NKAIN2: variants seen among roughly 807,000 people sequenced by gnomAD.
The protein encoded by NKAIN2 is sodium/potassium-transporting ATPase subunit beta-1-interacting protein 2.
Under a neutral mutation model 32.6 loss-of-function variants are expected in NKAIN2, and 14 were observed. The ratio of observed to expected loss-of-function variants is 0.43; its 90% CI spans 0.28 to 0.67. The LOEUF (loss-of-function observed/expected upper bound fraction) is 0.67. Ranked by LOEUF, NKAIN2 falls within the 30% of genes least tolerant of loss-of-function variation. The pLI, the probability that NKAIN2 is intolerant of heterozygous loss-of-function variation, is 0.17. For missense variants in NKAIN2, 198 were observed against 258.3 expected (o/e 0.77, Z 1.60); for synonymous variants, 80 against 87.2 (o/e 0.92, Z 0.46).
chr6:124,443,732 G>A (rs927359784), intron 3 of NKAIN2, among the ~76,000 whole-genome samples: 6 of 152,162 alleles, frequency 3.9e-5, no homozygotes, highest in East Asian at 1.9e-4. Flanking sequence ...ATCAGGAAAC[G>A]TGTCATAAAT....
intron 1 of NKAIN2, among the ~76,000 whole-genome samples, chr6:124,199,325 T>G (rs1030641663): frequency 6.6e-6 from 1 of 152,214 alleles, no homozygotes; most frequent in African/African-American, 2.4e-5. Flanking sequence ...TAAAGAATCA[T>G]GAAAGGTGAA....
At chr6:123,969,120 C>T (rs1778220135) in intron 1 of NKAIN2, among the ~76,000 whole-genome samples, 1 of 152,094 alleles carries the variant, frequency 6.6e-6, no homozygotes, top group African/African-American at 2.4e-5. Flanking sequence ...TCAGTATCTC[C>T]TGAGAAAAAA....
intron 3 of NKAIN2, among the ~76,000 whole-genome samples, chr6:124,448,052 G>A (rs745826948): frequency 1.3e-5 from 2 of 152,010 alleles, no homozygotes; most frequent in Non-Finnish European, 2.9e-5. Context: ...GCATACATTG[G>A]ACTTAACATA....
intron 2 of NKAIN2, among the ~76,000 whole-genome samples, chr6:124,352,774 G>A (rs908095992): frequency 6.6e-6 from 1 of 152,108 alleles, no homozygotes; most frequent in Admixed American, 6.6e-5. Context: ...AAACTTAAAT[G>A]TCTCCTTAGA....
intron 3 of NKAIN2, among the ~76,000 whole-genome samples, chr6:124,465,762 T>C (rs1346946017): frequency 6.6e-6 from 1 of 152,100 alleles, no homozygotes; most frequent in Non-Finnish European, 1.5e-5. Context: ...GTAAACATCA[T>C]GGCATTAAGA....
chr6:124,806,844 C>A (rs993779082), intron 5 of NKAIN2, among the ~76,000 whole-genome samples: 1 of 151,972 alleles, frequency 6.6e-6, no homozygotes, highest in South Asian at 2.1e-4. Flanking sequence ...CAATCCTAGT[C>A]TCTGATAAAA....
chr6:124,607,808 TG>T (rs1782553205), intron 3 of NKAIN2, among the ~76,000 whole-genome samples: 1 of 152,118 alleles, frequency 6.6e-6, no homozygotes, highest in Non-Finnish European at 1.5e-5. Flanking sequence ...AACTGTACTT[TG>T]AATACCCATA....
intron 3 of NKAIN2, among the ~76,000 whole-genome samples, chr6:124,473,038 A>ACCTGTCT: frequency 6.6e-6 from 1 of 152,294 alleles, no homozygotes; most frequent in African/African-American, 2.4e-5. Context: ...GTTCTGCAGA[A>ACCTGTCT]GGATAGAAGC....
At chr6:124,291,980 A>G (rs1795834784) in intron 2 of NKAIN2, among the ~76,000 whole-genome samples, 1 of 152,098 alleles carries the variant, frequency 6.6e-6, no homozygotes, top group Admixed American at 6.6e-5. Flanking sequence ...TACACCTTCA[A>G]TTCTGGAATT....
chr6:123,999,434 C>G (rs1779784669), intron 1 of NKAIN2, among the ~76,000 whole-genome samples: 1 of 152,070 alleles, frequency 6.6e-6, no homozygotes, highest in East Asian at 1.9e-4. Context: ...TACTGTATTG[C>G]TAATGTTTAT....
chr6:124,638,319 CAT>C, intron 3 of NKAIN2, among the ~76,000 whole-genome samples: 1 of 152,048 alleles, frequency 6.6e-6, no homozygotes. Context: ...ATTAGAAAAA[CAT>C]AGGGAAAATG....
chr6:124,585,251 A>G (rs1049579837), intron 3 of NKAIN2, among the ~76,000 whole-genome samples: 1 of 152,198 alleles, frequency 6.6e-6, no homozygotes, highest in Non-Finnish European at 1.5e-5. Flanking sequence ...CCAATGCTAA[A>G]AATTGAAACA....
rs1044812028 is a variant in NKAIN2 at position 124,018,649 on chromosome 6, C to A, written c.54+214395C>A. 2.0e-5 allele frequency among the ~76,000 whole-genome samples: 3 copies of A among 152,300 alleles called. No homozygotes were observed. In the East Asian group the frequency reaches 5.8e-4, roughly 29 times the overall value. On this transcript the variant is annotated intron_variant, in intron 1 of 6. Coordinates refer to ENST00000368417, the MANE Select transcript of NKAIN2 (RefSeq NM_001040214.3). ...GAGTCACCTTTGCACCAGTTCCCAACAAGTTCCTCATCTCCATCTGAGGCA... is the reference window on the plus strand; with the variant it reads ...GAGTCACCTTTGCACCAGTTCCCAAAAAGTTCCTCATCTCCATCTGAGGCA...
At chr6:124,493,585 C>G (rs1777948290) in intron 3 of NKAIN2, among the ~76,000 whole-genome samples, 1 of 151,758 alleles carries the variant, frequency 6.6e-6, no homozygotes, top group South Asian at 2.1e-4. Context: ...TTGAAACTAT[C>G]TTTTCTTTGT....
At chr6:124,106,188 T>G (rs1042219861) in intron 1 of NKAIN2, among the ~76,000 whole-genome samples, 1 of 152,198 alleles carries the variant, frequency 6.6e-6, no homozygotes, top group African/African-American at 2.4e-5. Context: ...TAAATCAAGA[T>G]TCCATCTGAG....
At chr6:124,761,889 AAT>A (rs1479689931) in intron 4 of NKAIN2, among the ~76,000 whole-genome samples, 1 of 152,158 alleles carries the variant, frequency 6.6e-6, no homozygotes, top group Non-Finnish European at 1.5e-5. Flanking sequence ...AGGAAGGGGA[AAT>A]ATGTCTCCAA....
intron 3 of NKAIN2, among the ~76,000 whole-genome samples, chr6:124,431,746 A>T (rs994744681): frequency 1.2e-4 from 19 of 152,034 alleles, no homozygotes; most frequent in Non-Finnish European, 1.3e-4. Flanking sequence ...AAATTTTGAC[A>T]TTTTCTAAGT....
chr6:124,662,882 C>G (rs1352036994), intron 4 of NKAIN2, among the ~76,000 whole-genome samples: 1 of 152,094 alleles, frequency 6.6e-6, no homozygotes, highest in Non-Finnish European at 1.5e-5. Flanking sequence ...ACTTCCACGT[C>G]ACCTAGAATA....
chr6:124,556,633 T>C (rs1239812534), intron 3 of NKAIN2, among the ~76,000 whole-genome samples: 4 of 152,200 alleles, frequency 2.6e-5, no homozygotes, highest in Admixed American at 6.5e-5. Context: ...ATCTCTTCTA[T>C]TCATAAATCA....
Sources: gnomAD v4.1 joint callset for allele counts (sites outside exome capture counted in the v4.1 genomes callset) on GRCh38, gnomAD v4.1.1 for gene constraint, MANE v1.5 for transcripts, NCBI Gene and HGNC (gene_info 2026-07-23, HGNC 2026-07-21) for gene names.